GARIN5A: variants seen among roughly 807,000 people sequenced by gnomAD.
GARIN5A encodes Golgi-associated RAB2 interactor protein 5A.
At chr19:50,467,800 A>G in the GARIN5A span, 10 of 1,613,334 alleles carry the variant, frequency 6.2e-6, no homozygotes, top group South Asian at 1.1e-5. Flanking sequence ...GTCGTGGACA[A>G]AGAGCTGGAC....
the GARIN5A span, among the ~76,000 whole-genome samples, chr19:50,473,481 G>A: frequency 6.6e-6 from 1 of 152,018 alleles, no homozygotes; most frequent in African/African-American, 2.4e-5. Context: ...CTCAGCCCCA[G>A]TAGCTAGGAC....
the GARIN5A span, among the ~76,000 whole-genome samples, chr19:50,469,272 C>T: frequency 6.6e-6 from 1 of 152,170 alleles, no homozygotes. Context: ...AGCCCTTTCT[C>T]CAGGCAAGAC....
chr19:50,468,821 G>A, the GARIN5A span, among the ~76,000 whole-genome samples: 3 of 152,096 alleles, frequency 2.0e-5, no homozygotes, highest in Non-Finnish European at 4.4e-5. Context: ...GGCCAGGCTG[G>A]TCTCCAACTC....
At chr19:50,469,537 T>C in the GARIN5A span, among the ~76,000 whole-genome samples, 16 of 152,342 alleles carry the variant, frequency 1.1e-4, no homozygotes, top group South Asian at 1.4e-3. Context: ...TACCCGCAGC[T>C]GACACGTGGC....
the GARIN5A span, chr19:50,476,527 T>C: frequency 9.6e-6 from 15 of 1,570,258 alleles, no homozygotes; most frequent in East Asian, 2.4e-5. Context: ...GTCCCTTCGC[T>C]GGTGGGAAGA....
At chr19:50,476,251 AG>A in the GARIN5A span, 2 of 1,612,982 alleles carry the variant, frequency 1.2e-6, no homozygotes, top group Non-Finnish European at 1.7e-6. Context: ...GGAGAAAGCG[AG>A]GGGGCGGGAC....
At chr19:50,476,162 C>A in the GARIN5A span, 1 of 1,613,698 alleles carries the variant, frequency 6.2e-7, no homozygotes, top group South Asian at 1.1e-5. Context: ...CTCGCCAGCT[C>A]CACCCAGGGC....
At chr19:50,472,173 T>C in the GARIN5A span, among the ~76,000 whole-genome samples, 1 of 147,854 alleles carries the variant, frequency 6.8e-6, no homozygotes, top group Non-Finnish European at 1.5e-5. Context: ...TATACGTGTG[T>C]ATATGTATGT....
At chr19:50,473,162 AG>A in the GARIN5A span, among the ~76,000 whole-genome samples, 31 of 152,312 alleles carry the variant, frequency 2.0e-4, no homozygotes, top group African/African-American at 7.2e-4. Flanking sequence ...GAGTACATGC[AG>A]GTCAAAATCT....
chr19:50,467,453 C>CA, the GARIN5A span: 1 of 748,152 alleles, frequency 1.3e-6, no homozygotes, highest in Non-Finnish European at 2.1e-6. Flanking sequence ...CCCTCAGACC[C>CA]AGGAGTCCAG....
chr19:50,475,811 A>G, the GARIN5A span: 1 of 1,556,604 alleles, frequency 6.4e-7, no homozygotes, highest in Non-Finnish European at 8.9e-7. Context: ...GCTGGGGATG[A>G]GGGGGTTCTG....
the GARIN5A span, among the ~76,000 whole-genome samples, chr19:50,472,108 GTGTGTATATGTATA>G: frequency 1.4e-5 from 2 of 138,756 alleles, no homozygotes; most frequent in African/African-American, 6.0e-5. Context: ...GTATATATAC[GTGTGTATATGTATA>G]TATACGTGTG....
At chr19:50,476,668 C>T in the GARIN5A span, 3 of 1,488,736 alleles carry the variant, frequency 2.0e-6, no homozygotes, top group African/African-American at 2.9e-5. Context: ...GGTGAGTGCT[C>T]TTTAGCTGTG....
chr19:50,476,406 C>A, the GARIN5A span: 38 of 1,549,370 alleles, frequency 2.5e-5, no homozygotes, highest in South Asian at 4.0e-4. Flanking sequence ...ACGTCAGGCC[C>A]CAGGTGCGGA....
At chr19:50,475,339 G>A in the GARIN5A span, 2 of 1,596,732 alleles carry the variant, frequency 1.3e-6, no homozygotes, top group South Asian at 1.1e-5. Flanking sequence ...AGAGTTGCAG[G>A]TGTCCGTTCT....
At chr19:50,470,950 G>A in the GARIN5A span, among the ~76,000 whole-genome samples, 2 of 151,938 alleles carry the variant, frequency 1.3e-5, no homozygotes, top group African/African-American at 2.4e-5. Context: ...ACCGCGCCCA[G>A]CCTGTGGCTA....
the GARIN5A span, among the ~76,000 whole-genome samples, chr19:50,473,861 C>T: frequency 0.028 from 4,303 of 152,160 alleles, 161 homozygotes; most frequent in East Asian, 0.12. Flanking sequence ...GTGGCAGGCT[C>T]CTGTAATCCC....
the GARIN5A span, chr19:50,476,507 G>A: frequency 5.1e-6 from 8 of 1,570,848 alleles, no homozygotes; most frequent in South Asian, 1.1e-5. Context: ...GCGGCTCTTG[G>A]CTCACAGCCG....
At chr19:50,474,027 C>G in the GARIN5A span, among the ~76,000 whole-genome samples, 1 of 152,136 alleles carries the variant, frequency 6.6e-6, no homozygotes, top group African/African-American at 2.4e-5. Context: ...TGTTTCTGTA[C>G]TGTAGGCATG....
Sources: gnomAD v4.1 joint callset for allele counts (sites outside exome capture counted in the v4.1 genomes callset) on GRCh38, gnomAD v4.1.1 for gene constraint, MANE v1.5 for transcripts, NCBI Gene and HGNC (gene_info 2026-07-23, HGNC 2026-07-21) for gene names.